The following TGFBRAP1 variants were observed in gnomAD, a reference collection of about 807,000 sequenced individuals.
TGFBRAP1 encodes transforming growth factor beta receptor associated protein 1, also known as transforming growth factor-beta receptor-associated protein 1.
TGFBRAP1 carries 20 observed loss-of-function variants against 83.2 expected under a neutral mutation model. The ratio of observed to expected loss-of-function variants is 0.24; its 90% confidence interval spans 0.17 to 0.35. TGFBRAP1 has a LOEUF of 0.35. TGFBRAP1 is among the 10% of genes least tolerant of loss of function. The pLI is 1.00. For missense variants in TGFBRAP1, 950 were observed against 1,099.4 expected, an observed-to-expected ratio of 0.86 and a Z score of 1.92; for synonymous variants, 415 against 459.8, an observed-to-expected ratio of 0.90 and a Z score of 1.25.
At chr2:105,305,053 C>CTTA (rs1274487558) in intron 2 of TGFBRAP1, among the ~76,000 whole-genome samples, 3 of 152,080 alleles carry the variant, frequency 2.0e-5, no homozygotes, top group Non-Finnish European at 4.4e-5. Context: ...GAGCATGGCC[C>CTTA]CTAATATAAA....
chr2:105,308,671 G>A (rs1302377475), intron 1 of TGFBRAP1, among the ~76,000 whole-genome samples: 1 of 151,944 alleles, frequency 6.6e-6, no homozygotes, highest in Non-Finnish European at 1.5e-5. Context: ...ATTCACCCAC[G>A]GGCAACATAA....
chr2:105,255,560 G>C, the TGFBRAP1 span, among the ~76,000 whole-genome samples: 1 of 140,044 alleles, frequency 7.1e-6, no homozygotes, highest in Non-Finnish European at 1.7e-5. Flanking sequence ...GCCTCAAGCG[G>C]TCCTCCTCCC....
Position 105,267,484 on chromosome 2 carries a change from G to T in TGFBRAP1, c.2482C>A (p.Pro828Thr), listed in dbSNP as rs1233704109. The T allele has an allele frequency of 5.0e-6, 8 of 1,614,216 alleles. No homozygotes were observed. Among genetic ancestry groups the T allele is most frequent in the Non-Finnish European group, 5.9e-6 (7 of 1,180,040 alleles). ...CQICQNPFCE[P>T]VFVRYPNGGL... The stretch of plus-strand genomic sequence containing the variant: ...CCATTTGGGTATCTAACAAACACAG[G>T]CTCACAAAAGGGATTTTGGCATATC... The change falls in exon 12 of 12, where the codon CCT (proline) becomes ACT (threonine). Residue 828 changes from proline (P) to threonine (T), a missense_variant. Transcript: ENST00000393359.
chr2:105,296,336 G>T lies in TGFBRAP1; in HGVS notation c.1038+20C>A. ...ACTGGTGACTTAGAGGCATATTTCT[G>T]TGACCAGTTAATTACAAACCTGAAA... On this transcript the variant is annotated intron_variant, in intron 4 of 11. Coordinates refer to ENST00000393359, the MANE Select transcript of TGFBRAP1 (RefSeq NM_004257.6). 1 of 1,612,748 alleles carries T rather than the reference G, an allele frequency of 6.2e-7. No individual in the cohort carries two copies. Among genetic ancestry groups the T allele is most frequent in the Non-Finnish European group, 8.5e-7 (1 of 1,179,758 alleles).
chr2:105,261,563 C>A (rs1162121389), downstream of TGFBRAP1, among the ~76,000 whole-genome samples: 1 of 152,040 alleles, frequency 6.6e-6, no homozygotes, highest in Non-Finnish European at 1.5e-5. Context: ...ACCAACCTGG[C>A]CAACATAGTG....
chr2:105,326,922 T>C (rs1465554973), intron 1 of TGFBRAP1, among the ~76,000 whole-genome samples: 18 of 152,180 alleles, frequency 1.2e-4, no homozygotes, highest in Non-Finnish European at 2.5e-4. Flanking sequence ...TTAAAGTCAT[T>C]TGGGGTAGCA....
At chr2:105,261,998 G>A (rs1006748161), downstream of TGFBRAP1, among the ~76,000 whole-genome samples, 1 of 152,134 alleles carries the variant, frequency 6.6e-6, no homozygotes, top group South Asian at 2.1e-4. Context: ...CCTGTGCTGG[G>A]TGCTTTCAAG....
At chr2:105,294,284 G>A (rs1481895966) in intron 4 of TGFBRAP1, among the ~76,000 whole-genome samples, 1 of 150,488 alleles carries the variant, frequency 6.6e-6, no homozygotes, top group Non-Finnish European at 1.5e-5. Context: ...GTAGAATGTA[G>A]GCATGTGCTT....
intron 1 of TGFBRAP1, among the ~76,000 whole-genome samples, chr2:105,316,960 T>C (rs1366639671): frequency 1.3e-5 from 2 of 152,230 alleles, no homozygotes; most frequent in East Asian, 3.9e-4. Context: ...AGGACAGACC[T>C]AGAGAACACA....
At chr2:105,260,224 C>T (rs190981316), downstream of TGFBRAP1, among the ~76,000 whole-genome samples, 276 of 152,200 alleles carry the variant, frequency 1.8e-3, 4 homozygotes, top group Non-Finnish European at 5.0e-4. Flanking sequence ...GCCTGGCCAA[C>T]GTGGTGAAAC....
At chr2:105,250,673 C>T in the TGFBRAP1 span, among the ~76,000 whole-genome samples, 1 of 151,526 alleles carries the variant, frequency 6.6e-6, no homozygotes, top group Non-Finnish European at 1.5e-5. Flanking sequence ...CTCCCTCTCC[C>T]TCTCTTTCCA....
At chr2:105,273,882 A>T (rs1005265299) in intron 8 of TGFBRAP1, among the ~76,000 whole-genome samples, 192 bp from the exon 9 acceptor site, 52 of 152,234 alleles carry the variant, frequency 3.4e-4, no homozygotes, top group Non-Finnish European at 6.3e-4. Flanking sequence ...AATTATGGAG[A>T]AAAACAGCCC....
At chr2:105,251,490 C>T in the TGFBRAP1 span, among the ~76,000 whole-genome samples, 19 of 151,020 alleles carry the variant, frequency 1.3e-4, no homozygotes, top group Admixed American at 2.0e-4. Flanking sequence ...CGTCTCCGCC[C>T]GGCAGCCACA....
intron 1 of TGFBRAP1, among the ~76,000 whole-genome samples, chr2:105,321,419 C>T (rs1191350835): frequency 3.3e-5 from 5 of 152,124 alleles, no homozygotes; most frequent in Non-Finnish European, 4.4e-5. Flanking sequence ...CTGCCCACCT[C>T]GGCCTTCCAA....
downstream of TGFBRAP1, among the ~76,000 whole-genome samples, chr2:105,262,659 C>T (rs1456428144): frequency 2.6e-5 from 4 of 152,218 alleles, no homozygotes; most frequent in Non-Finnish European, 4.4e-5. Flanking sequence ...GCTCCCGACA[C>T]CTGACATTTG....
chr2:105,316,141 C>T (rs1352318968), intron 1 of TGFBRAP1, among the ~76,000 whole-genome samples: 3 of 152,006 alleles, frequency 2.0e-5, no homozygotes, highest in South Asian at 2.1e-4. Context: ...TAATCTATAG[C>T]GACAGAAATC....
the TGFBRAP1 span, among the ~76,000 whole-genome samples, chr2:105,259,274 C>A: frequency 6.6e-6 from 1 of 152,198 alleles, no homozygotes; most frequent in African/African-American, 2.4e-5. Flanking sequence ...TGAGGCGCTG[C>A]GCCCCGACTG....
intron 2 of TGFBRAP1, among the ~76,000 whole-genome samples, chr2:105,301,319 T>C (rs547284594): frequency 2.0e-4 from 31 of 152,244 alleles, no homozygotes; most frequent in Admixed American, 1.4e-3. Context: ...GTGCGATGGC[T>C]CAGGCCTGTA....
At chr2:105,254,733 C>T in the TGFBRAP1 span, among the ~76,000 whole-genome samples, 28 of 152,076 alleles carry the variant, frequency 1.8e-4, no homozygotes, top group Non-Finnish European at 3.2e-4. Context: ...TCTCCCTTGC[C>T]AAATTCATAT....
Sources: gnomAD v4.1 joint callset for allele counts (sites outside exome capture counted in the v4.1 genomes callset) on GRCh38, gnomAD v4.1.1 for gene constraint, MANE v1.5 for transcripts, NCBI Gene and HGNC (gene_info 2026-07-23, HGNC 2026-07-21) for gene names.